RALYL: variants seen among roughly 807,000 people sequenced by gnomAD.
RALYL encodes the protein RNA-binding Raly-like protein.
In RALYL, 29 loss-of-function variants were observed where a neutral mutation model predicts 35.1. The ratio of observed to expected loss-of-function variants is 0.83; its 90% confidence interval spans 0.61 to 1.13. The LOEUF is 1.13. RALYL is among the 50% of genes most tolerant of loss of function. RALYL has a pLI of 0.00. For missense variants in RALYL, 359 were observed against 360.4 expected, an observed-to-expected ratio of 1.00 and a Z score of 0.03; for synonymous variants, 120 against 127.6, an observed-to-expected ratio of 0.94 and a Z score of 0.40.
At chr8:84,851,152 T>C (rs1213375832) in intron 5 of RALYL, among the ~76,000 whole-genome samples, 8 of 152,218 alleles carry the variant, frequency 5.3e-5, no homozygotes, top group Non-Finnish European at 1.2e-4. Context: ...TGCCACGTTT[T>C]GTCACTGAGA....
intron 1 of RALYL, among the ~76,000 whole-genome samples, chr8:84,324,700 T>C (rs1378439311): frequency 6.6e-6 from 1 of 152,104 alleles, no homozygotes; most frequent in African/African-American, 2.4e-5. Flanking sequence ...TATGGAATTA[T>C]TACTGCTTCC....
chr8:84,893,192 G>A (rs996080200), intron 8 of RALYL, among the ~76,000 whole-genome samples: 8 of 152,230 alleles, frequency 5.3e-5, no homozygotes, highest in Admixed American at 2.6e-4. Context: ...TTAGAGAAAC[G>A]ACATGTGCTA....
chr8:84,350,498 G>T, intron 1 of RALYL, among the ~76,000 whole-genome samples: 1 of 150,092 alleles, frequency 6.7e-6, no homozygotes, highest in East Asian at 1.9e-4. Flanking sequence ...GTACTACACT[G>T]GTCTGCTTGT....
chr8:84,230,254 T>A (rs1188542460), intron 1 of RALYL, among the ~76,000 whole-genome samples: 1 of 152,080 alleles, frequency 6.6e-6, no homozygotes, highest in African/African-American at 2.4e-5. Flanking sequence ...AGGAAATGTG[T>A]ATTTCATTCC....
chr8:84,878,800 A>G (rs543407220), intron 7 of RALYL, among the ~76,000 whole-genome samples: 1 of 151,958 alleles, frequency 6.6e-6, no homozygotes, highest in Non-Finnish European at 1.5e-5. Flanking sequence ...GGAAAAAAAA[A>G]CAGAAATGGA....
intron 1 of RALYL, among the ~76,000 whole-genome samples, chr8:84,276,172 G>A (rs781578746): frequency 3.1e-4 from 47 of 152,064 alleles, no homozygotes; most frequent in Non-Finnish European, 4.9e-4. Flanking sequence ...AATCTATGGT[G>A]TTTTGAAAAG....
chr8:84,688,952 G>T (rs1012842136), intron 2 of RALYL, among the ~76,000 whole-genome samples: 18 of 151,670 alleles, frequency 1.2e-4, no homozygotes, highest in Non-Finnish European at 2.2e-4. Flanking sequence ...GGGCCAACAG[G>T]TATACGAAAA....
At chr8:84,670,821 C>A (rs1263485319) in intron 2 of RALYL, among the ~76,000 whole-genome samples, 1 of 152,108 alleles carries the variant, frequency 6.6e-6, no homozygotes, top group Non-Finnish European at 1.5e-5. Flanking sequence ...GAGGACAGAG[C>A]CAAATCATAT....
chr8:84,768,057 A>G (rs1210920443), intron 2 of RALYL, among the ~76,000 whole-genome samples: 1 of 152,164 alleles, frequency 6.6e-6, no homozygotes, highest in Non-Finnish European at 1.5e-5. Flanking sequence ...TTTGTGTCTC[A>G]TGTTTTACTA....
chr8:84,467,238 G>A (rs2051831424), intron 1 of RALYL, among the ~76,000 whole-genome samples: 2 of 151,924 alleles, frequency 1.3e-5, no homozygotes, highest in Admixed American at 1.3e-4. Flanking sequence ...TGATGTTAGG[G>A]TGTCAGTTTT....
At chr8:84,518,732 C>G (rs1444642692) in intron 1 of RALYL, among the ~76,000 whole-genome samples, 1 of 152,156 alleles carries the variant, frequency 6.6e-6, no homozygotes, top group Non-Finnish European at 1.5e-5. Context: ...TAGGGCCAGT[C>G]TTCCAAAGCT....
intron 2 of RALYL, among the ~76,000 whole-genome samples, chr8:84,718,456 A>C (rs969570386): frequency 3.1e-4 from 47 of 152,056 alleles, no homozygotes; most frequent in Middle Eastern, 3.2e-3. Flanking sequence ...TTATTGCATA[A>C]AATTGTATGT....
intron 1 of RALYL, among the ~76,000 whole-genome samples, chr8:84,368,282 C>T (rs756754680): frequency 1.3e-5 from 2 of 152,004 alleles, no homozygotes; most frequent in Non-Finnish European, 2.9e-5. Context: ...ATATTACAAA[C>T]GTAGTTTAAA....
intron 1 of RALYL, among the ~76,000 whole-genome samples, chr8:84,448,513 A>AC (rs1485895716): frequency 2.0e-5 from 3 of 151,994 alleles, no homozygotes; most frequent in Non-Finnish European, 4.4e-5. Flanking sequence ...AAGAGAGGTG[A>AC]TGAAAAACCT....
At chr8:84,245,719 A>G (rs1258078247) in intron 1 of RALYL, among the ~76,000 whole-genome samples, 1 of 152,040 alleles carries the variant, frequency 6.6e-6, no homozygotes, top group Non-Finnish European at 1.5e-5. Context: ...AGAAGGGTAG[A>G]CTCAGGGGTA....
At chr8:84,224,489 C>T (rs1823341750) in intron 1 of RALYL, among the ~76,000 whole-genome samples, 1 of 152,004 alleles carries the variant, frequency 6.6e-6, no homozygotes, top group African/African-American at 2.4e-5. Context: ...AGGCTGGGGG[C>T]CAAGGGCCAG....
chr8:84,732,680 A>ATATGTG (rs1846428961), intron 2 of RALYL, among the ~76,000 whole-genome samples: 1 of 129,360 alleles, frequency 7.7e-6, no homozygotes, highest in African/African-American at 4.0e-5. Context: ...ATATATATAT[A>ATATGTG]TATACACACA....
At chr8:84,244,593 A>G (rs1417146812) in intron 1 of RALYL, among the ~76,000 whole-genome samples, 1 of 152,184 alleles carries the variant, frequency 6.6e-6, no homozygotes, top group African/African-American at 2.4e-5. Context: ...CATCTGCTGC[A>G]CTATTTCTTT....
intron 4 of RALYL, 56 bp downstream of exon 4, chr8:84,804,858 A>T: frequency 2.2e-6 from 2 of 905,720 alleles, no homozygotes; most frequent in Non-Finnish European, 2.9e-6. Flanking sequence ...ATTTCCAAGA[A>T]CTTCTGAGAT....
Sources: gnomAD v4.1 joint callset for allele counts (sites outside exome capture counted in the v4.1 genomes callset) on GRCh38, gnomAD v4.1.1 for gene constraint, MANE v1.5 for transcripts, NCBI Gene and HGNC (gene_info 2026-07-23, HGNC 2026-07-21) for gene names.